The following VPS13B variants were observed in gnomAD, a reference collection of about 807,000 sequenced individuals.
The protein encoded by VPS13B is vacuolar protein sorting 13 homolog B.
Under a neutral mutation model 426.4 loss-of-function variants are expected in VPS13B, and 285 were observed. The observed-to-expected ratio is 0.67, with a 90% CI of 0.61 to 0.74. The LOEUF (loss-of-function observed/expected upper bound fraction) is 0.74. Ranked by LOEUF, VPS13B falls within the 30% of genes least tolerant of loss-of-function variation. The probability of loss-of-function intolerance (pLI) is 0.00; values close to 1 mark genes in which losing one functional copy is unlikely to be tolerated. For missense variants in VPS13B, 4,537 were observed against 4,782.6 expected, an observed-to-expected ratio of 0.95 and a Z score of 1.51; for synonymous variants, 1,676 against 1,676.4, an observed-to-expected ratio of 1.00 and a Z score of 0.01.
At chr8:99,255,390 CT>C (rs1332488485) in intron 17 of VPS13B, among the ~76,000 whole-genome samples, 8 of 152,090 alleles carry the variant, frequency 5.3e-5, no homozygotes, top group African/African-American at 1.7e-4. Context: ...CATCTATTAT[CT>C]TTTTTCATTC....
At chr8:99,836,784 C>G (rs1176693162) in intron 54 of VPS13B, among the ~76,000 whole-genome samples, 2 of 152,214 alleles carry the variant, frequency 1.3e-5, no homozygotes, top group Non-Finnish European at 1.5e-5. Flanking sequence ...TGAATAATCA[C>G]TTACACCATA....
intron 8 of VPS13B, among the ~76,000 whole-genome samples, chr8:99,127,657 T>G (rs1474203472): frequency 2.0e-5 from 3 of 152,200 alleles, no homozygotes. Flanking sequence ...AGGAAACCTT[T>G]GCATTCTTAA....
chr8:99,226,780 T>G (rs1450047784), intron 17 of VPS13B, among the ~76,000 whole-genome samples: 2 of 152,206 alleles, frequency 1.3e-5, no homozygotes, highest in Admixed American at 1.3e-4. Context: ...ATTTTACATA[T>G]TTATGTGATA....
chr8:99,313,473 C>T (rs1191507042), intron 19 of VPS13B, among the ~76,000 whole-genome samples: 2 of 152,174 alleles, frequency 1.3e-5, no homozygotes, highest in Non-Finnish European at 2.9e-5. Context: ...GCGGAGGCTG[C>T]AGAACAGCAA....
chr8:99,467,739 A>G, intron 24 of VPS13B, 105 bp downstream of exon 24: 1 of 1,216,530 alleles, frequency 8.2e-7, no homozygotes, highest in Non-Finnish European at 1.2e-6. Flanking sequence ...ATCCTAAATT[A>G]TTTTTAACTT....
At chr8:99,448,221 A>G (rs62534583) in intron 23 of VPS13B, among the ~76,000 whole-genome samples, 1 of 151,382 alleles carries the variant, frequency 6.6e-6, no homozygotes, top group Non-Finnish European at 1.5e-5. Context: ...CACATACCAG[A>G]TGGAGAGGGC....
chr8:99,395,130 G>C (rs901581689), intron 21 of VPS13B, among the ~76,000 whole-genome samples: 3 of 152,222 alleles, frequency 2.0e-5, no homozygotes, highest in Non-Finnish European at 4.4e-5. Flanking sequence ...GCAAGTTTCT[G>C]AATACAGGGC....
At chr8:99,371,711 T>C (rs1166832624) in intron 19 of VPS13B, among the ~76,000 whole-genome samples, 1 of 152,204 alleles carries the variant, frequency 6.6e-6, no homozygotes, top group Non-Finnish European at 1.5e-5. Context: ...GAGCATGAAA[T>C]TTTTTTCCAT....
chr8:99,132,259 G>A (rs1189834850), intron 8 of VPS13B, among the ~76,000 whole-genome samples: 1 of 152,102 alleles, frequency 6.6e-6, no homozygotes, highest in Non-Finnish European at 1.5e-5. Context: ...CTGCTTTATC[G>A]ACTAAATATA....
At chr8:99,293,383 A>C (rs1233892970) in intron 19 of VPS13B, among the ~76,000 whole-genome samples, 12 of 104,594 alleles carry the variant, frequency 1.1e-4, no homozygotes, top group African/African-American at 4.5e-4. Context: ...CCTTATACAA[A>C]AATCAATTCA....
intron 43 of VPS13B, among the ~76,000 whole-genome samples, chr8:99,786,771 C>T (rs540995348): frequency 4.2e-4 from 64 of 152,158 alleles, no homozygotes; most frequent in South Asian, 4.1e-4. Context: ...TTATAAAAAA[C>T]GACGTCTTCT....
chr8:99,251,197 A>C (rs965232300), intron 17 of VPS13B, among the ~76,000 whole-genome samples: 1 of 152,178 alleles, frequency 6.6e-6, no homozygotes, highest in African/African-American at 2.4e-5. Context: ...AATTCACAGC[A>C]TTAGGTTGAA....
chr8:99,115,383 A>G (rs1263232316), intron 6 of VPS13B, among the ~76,000 whole-genome samples: 2 of 152,012 alleles, frequency 1.3e-5, no homozygotes, highest in Admixed American at 1.3e-4. Context: ...TAGAGTAGCT[A>G]TTTGGTTATA....
intron 34 of VPS13B, among the ~76,000 whole-genome samples, chr8:99,656,577 T>C (rs1830027028): frequency 6.6e-6 from 1 of 152,140 alleles, no homozygotes; most frequent in Non-Finnish European, 1.5e-5. Context: ...GACCTGATGA[T>C]GGAATTAAGG....
intron 16 of VPS13B, among the ~76,000 whole-genome samples, chr8:99,184,628 A>C (rs921304894): frequency 4.1e-4 from 62 of 152,234 alleles, no homozygotes; most frequent in African/African-American, 1.4e-3. Context: ...ACATATTTTT[A>C]TATCTCGACA....
chr8:99,141,784 C>T (rs1810435504), intron 12 of VPS13B, among the ~76,000 whole-genome samples: 1 of 151,442 alleles, frequency 6.6e-6, no homozygotes, highest in Non-Finnish European at 1.5e-5. Context: ...GTGGCTCACT[C>T]CTGTAATCTC....
chr8:99,546,124 T>C (rs1823959671), intron 30 of VPS13B, among the ~76,000 whole-genome samples: 1 of 152,078 alleles, frequency 6.6e-6, no homozygotes, highest in African/African-American at 2.4e-5. Context: ...TAACTTCTGT[T>C]CCTATTCTTT....
chr8:99,699,131 CTT>C (rs370004663), intron 35 of VPS13B, among the ~76,000 whole-genome samples: 16 of 90,558 alleles, frequency 1.8e-4, no homozygotes, highest in East Asian at 3.6e-4. Flanking sequence ...TAAGGAAAGT[CTT>C]TTTTTTTTTT....
chr8:99,223,154 A>G (rs1321161087), intron 17 of VPS13B, among the ~76,000 whole-genome samples: 1 of 152,204 alleles, frequency 6.6e-6, no homozygotes, highest in East Asian at 1.9e-4. Context: ...TTTAATTAGT[A>G]TGTGGGAAAC....
Sources: allele counts gnomAD v4.1 joint callset (sites outside exome capture counted in the v4.1 genomes callset), GRCh38; gene constraint gnomAD v4.1.1; transcripts MANE v1.5; gene names NCBI Gene and HGNC (gene_info 2026-07-23, HGNC 2026-07-21).